Variants in ADK observed in about 807,000 individuals in gnomAD.
ADK encodes the protein N6,N6-dimethyladenosine kinase.
Under a neutral mutation model 44.7 loss-of-function variants are expected in ADK, and 24 were observed. The ratio of observed to expected loss-of-function variants is 0.54; its 90% CI spans 0.39 to 0.76. ADK has a LOEUF of 0.76. ADK is among the 30% of genes least tolerant of loss of function. The pLI, the probability that ADK is intolerant of heterozygous loss-of-function variation, is 0.00. For missense variants in ADK, 321 were observed against 425.1 expected (o/e 0.76, Z 2.15); for synonymous variants, 128 against 142.6 (o/e 0.90, Z 0.73).
chr10:74,512,784 A>G (rs1159983313), intron 6 of ADK, among the ~76,000 whole-genome samples: 1 of 149,996 alleles, frequency 6.7e-6, no homozygotes, highest in Non-Finnish European at 1.5e-5. Flanking sequence ...GATCATTATT[A>G]TTTCTTTCCT....
At chr10:74,707,113 A>G (rs1036398647) in intron 10 of ADK, among the ~76,000 whole-genome samples, 11 of 152,180 alleles carry the variant, frequency 7.2e-5, no homozygotes, top group African/African-American at 2.4e-4. Context: ...ATAGCTAACC[A>G]CAGCCGCAAC....
intron 2 of ADK, among the ~76,000 whole-genome samples, chr10:74,211,882 G>A (rs1310296050): frequency 6.6e-6 from 1 of 151,878 alleles, no homozygotes; most frequent in Non-Finnish European, 1.5e-5. Context: ...AAAAAAAGTT[G>A]TATCTATTGT....
chr10:74,647,167 A>G lies in ADK; in HGVS notation c.878-23016A>G, dbSNP rs1363628869. The stretch of plus-strand genomic sequence containing the variant: ...TAATTAGTCTGTATTTATGCCTTTA[A>G]TAATTATCTGTTCATTTTCTAGCAG... On this transcript the variant is annotated intron_variant, in intron 9 of 10. Transcript: ENST00000539909. Among the ~76,000 whole-genome samples the G allele has an allele frequency of 2.0e-5, 3 of 152,036 alleles. 1 individual carries two copies. The highest frequency in any genetic ancestry group is 4.1e-4 in the South Asian group (2 of 4,820).
intron 4 of ADK, among the ~76,000 whole-genome samples, chr10:74,393,396 C>A (rs957341583): frequency 2.0e-5 from 3 of 152,056 alleles, no homozygotes; most frequent in Non-Finnish European, 4.4e-5. Context: ...TACAAGAAAT[C>A]CATTAAAGCT....
intron 1 of ADK, among the ~76,000 whole-genome samples, chr10:74,175,137 C>T (rs1192726579): frequency 1.3e-5 from 2 of 152,122 alleles, no homozygotes; most frequent in Admixed American, 6.6e-5. Context: ...TGGCTCACGC[C>T]TGGAAGGCTG....
chr10:74,435,598 A>G (rs4745745), intron 6 of ADK, among the ~76,000 whole-genome samples: 137,739 of 152,188 alleles, frequency 0.91, 62,602 homozygotes, highest in East Asian at 1. Flanking sequence ...CACCAAGTAC[A>G]ATAAATGCAA....
chr10:74,681,530 T>C (rs1564849948), intron 10 of ADK, among the ~76,000 whole-genome samples: 1 of 152,142 alleles, frequency 6.6e-6, no homozygotes, highest in Non-Finnish European at 1.5e-5. Context: ...AGCAGTTACT[T>C]GTGTTCATAA....
chr10:74,324,675 T>A (rs749924078), intron 4 of ADK, among the ~76,000 whole-genome samples: 5 of 152,222 alleles, frequency 3.3e-5, no homozygotes, highest in African/African-American at 7.2e-5. Context: ...AACTCTTAGG[T>A]TGATTACATA....
intron 1 of ADK, among the ~76,000 whole-genome samples, chr10:74,193,083 G>A (rs991547072): frequency 6.6e-6 from 1 of 152,024 alleles, no homozygotes; most frequent in Non-Finnish European, 1.5e-5. Flanking sequence ...GTTACCTTTA[G>A]CATTTCTTTT....
At chr10:74,240,372 T>TTGTGTGTGTGTGTGTGTGTG (rs142465407) in intron 3 of ADK, among the ~76,000 whole-genome samples, 48 of 147,244 alleles carry the variant, frequency 3.3e-4, no homozygotes, top group Middle Eastern at 3.5e-3. Context: ...TCCTTTTATT[T>TTGTGTGTGTGTGTGTGTGTG]TGTGTGTGTG....
At chr10:74,181,741 C>T (rs898903389) in intron 1 of ADK, among the ~76,000 whole-genome samples, 2 of 152,154 alleles carry the variant, frequency 1.3e-5, no homozygotes, top group Non-Finnish European at 2.9e-5. Context: ...TTTCACTGAG[C>T]AACACTATTT....
At chr10:74,443,398 C>T (rs1845489807) in intron 6 of ADK, among the ~76,000 whole-genome samples, 1 of 152,166 alleles carries the variant, frequency 6.6e-6, no homozygotes, top group African/African-American at 2.4e-5. Flanking sequence ...CATGCTGCAA[C>T]ATAGATAAAC....
intron 9 of ADK, among the ~76,000 whole-genome samples, chr10:74,664,583 C>A (rs1161425395): frequency 6.6e-6 from 1 of 152,220 alleles, no homozygotes; most frequent in East Asian, 1.9e-4. Flanking sequence ...TGCCTCACGC[C>A]TGTAATCCCA....
intron 1 of ADK, among the ~76,000 whole-genome samples, chr10:74,165,545 A>C (rs944135491): frequency 6.6e-6 from 1 of 151,478 alleles, no homozygotes; most frequent in Non-Finnish European, 1.5e-5. Flanking sequence ...TTTCACTTAC[A>C]TTTTCTTATT....
chr10:74,564,162 G>C (rs547206165), intron 7 of ADK, among the ~76,000 whole-genome samples: 2 of 151,234 alleles, frequency 1.3e-5, no homozygotes, highest in Admixed American at 1.3e-4. Flanking sequence ...TTTGTTCTTG[G>C]GATAGTTTAC....
rs545075633 is a variant in ADK at position 74,448,876 on chromosome 10, CT to C, written c.555+50303del. ...CATCCCATAACAGATAGTATACTGC[CT>C]TTTTTAAAAAAAAAAATGCCCACTT... On this transcript the variant is annotated intron_variant, in intron 6 of 10. Transcript: ENST00000539909. Among the ~76,000 whole-genome samples the C allele has an allele frequency of 1.8e-3, 268 of 149,394 alleles. 1 individual carries two copies. Among genetic ancestry groups the C allele is most frequent in the African/African-American group, 6.1e-3 (240 of 39,070 alleles).
chr10:74,396,345 C>T (rs1407036704), intron 5 of ADK, among the ~76,000 whole-genome samples: 1 of 152,028 alleles, frequency 6.6e-6, no homozygotes, highest in Admixed American at 6.5e-5. Flanking sequence ...GCCAGCCTGG[C>T]CAACATGGCG....
At chr10:74,168,798 TG>T (rs1842095314) in intron 1 of ADK, among the ~76,000 whole-genome samples, 1 of 151,748 alleles carries the variant, frequency 6.6e-6, no homozygotes, top group African/African-American at 2.4e-5. Flanking sequence ...TTTTTAGTAG[TG>T]ATGGGGTTTC....
intron 10 of ADK, among the ~76,000 whole-genome samples, chr10:74,690,537 T>A (rs144520001): frequency 6.8e-4 from 104 of 152,330 alleles, no homozygotes; most frequent in Non-Finnish European, 1.4e-3. Flanking sequence ...CTTGACGATA[T>A]GTCCCCATTT....
Sources: allele counts gnomAD v4.1 joint callset (sites outside exome capture counted in the v4.1 genomes callset), GRCh38; gene constraint gnomAD v4.1.1; transcripts MANE v1.5; gene names NCBI Gene and HGNC (gene_info 2026-07-23, HGNC 2026-07-21).